ASPSCR1: variants seen among roughly 807,000 people sequenced by gnomAD.
ASPSCR1 encodes the protein ASPSCR1 tether for SLC2A4, UBX domain containing.
In ASPSCR1, 55 loss-of-function variants were observed where a neutral mutation model predicts 68.9. The observed-to-expected ratio is 0.80, with a 90% confidence interval of 0.64 to 1.00. The LOEUF (loss-of-function observed/expected upper bound fraction) is 1.00. ASPSCR1 is among the 50% of genes least tolerant of loss of function. The pLI is 0.00. For synonymous variants in ASPSCR1, 352 were observed against 332.6 expected (o/e 1.06, Z -0.63); for missense variants, 765 against 762.2 (o/e 1.00, Z -0.04).
rs1211399552 is a variant in ASPSCR1 at position 81,990,744 on chromosome 17, G to A, written c.375-4077G>A. ...CACGGCCCTCCTGGAGGCACCCGGA[G>A]GAGGAAAGGGAGTACCTTTCTGACC... On this transcript the variant is annotated intron_variant, in intron 4 of 15. Coordinates refer to ENST00000306739, the MANE Select transcript of ASPSCR1 (RefSeq NM_024083.4). The surrounding 1 kb of genome is among the most constrained non-coding windows in gnomAD (Gnocchi z 4.1). 1.3e-5 allele frequency among the ~76,000 whole-genome samples: 2 copies of A among 152,180 alleles called. No homozygotes were observed. Among genetic ancestry groups the A allele is most frequent in the East Asian group, 1.9e-4 (1 of 5,194 alleles).
intron 1 of ASPSCR1, chr17:81,978,903 G>T: frequency 1.9e-6 from 1 of 532,054 alleles, no homozygotes; most frequent in Non-Finnish European, 3.4e-6. Flanking sequence ...CAGGGTGTGT[G>T]CCAGGAAGAT....
At chr17:81,996,126 A>G (rs2042328985) in intron 6 of ASPSCR1, 61 bp downstream of exon 6, 11 of 1,501,052 alleles carry the variant, frequency 7.3e-6, no homozygotes, top group Non-Finnish European at 9.8e-6. Context: ...GTGGTCTCAA[A>G]GGAAAGGAGA....
chr17:81,992,723 C>G (rs1487212403), intron 4 of ASPSCR1, among the ~76,000 whole-genome samples: 3 of 152,272 alleles, frequency 2.0e-5, no homozygotes, highest in Non-Finnish European at 4.4e-5. Context: ...CTTGTGTTTT[C>G]CTGAGCCCTG....
Position 81,990,804 on chromosome 17 carries a change from C to G in ASPSCR1, c.375-4017C>G, listed in dbSNP as rs1007638695. 6.6e-6 allele frequency among the ~76,000 whole-genome samples: 1 copy of G among 152,110 alleles called. No individual in the cohort carries two copies. Among genetic ancestry groups the G allele is most frequent in the Non-Finnish European group, 1.5e-5 (1 of 68,020 alleles). ...GCTGGGGTACAGATTGTTATGCTAA[C>G]GGGTTTCCTATGAGGAGTTTCTCTC... On this transcript the variant is annotated intron_variant, in intron 4 of 15. Transcript: ENST00000306739. The surrounding 1 kb of genome is among the most constrained non-coding windows in gnomAD (Gnocchi z 4.1).
chr17:81,988,537 G>A (rs956825109), intron 4 of ASPSCR1, among the ~76,000 whole-genome samples: 1 of 152,152 alleles, frequency 6.6e-6, no homozygotes, highest in Non-Finnish European at 1.5e-5. Flanking sequence ...GCCGTTGGTG[G>A]TAAAGCCCGG....
rs928705707 is a variant in ASPSCR1 at position 81,999,516 on chromosome 17, A to G, written c.933+2670A>G. Among the ~76,000 whole-genome samples the G allele has an allele frequency of 6.6e-5, 10 of 151,770 alleles. No homozygotes were observed. Among genetic ancestry groups the G allele is most frequent in the Non-Finnish European group, 1.3e-4 (9 of 67,990 alleles). ...GTGGCAGGTGCCTGTAATCCCAGCT[A>G]CTCGGGAGACTGAGGCAGGAGAATC... On this transcript the variant is annotated intron_variant, in intron 7 of 15. Coordinates refer to ENST00000306739, the MANE Select transcript of ASPSCR1 (RefSeq NM_024083.4). This position sits in a 1 kb window ranked among gnomAD's most constrained non-coding sequence, Gnocchi z 4.4.
rs202058036 is a variant in ASPSCR1, at chr17:81,984,929, CCCCACACCCG to C, written c.274-576_274-567del. Reference sequence around the variant, plus strand: ...CACCCCTACAGCAACGTGCACACACCCCCACACCCGCACACACCCGCACACACCCCACACA... The same window carrying C: ...CACCCCTACAGCAACGTGCACACACCCACACACCCGCACACACCCCACACA... On this transcript the variant is annotated intron_variant, in intron 3 of 15. Transcript: ENST00000306739. Among the ~76,000 whole-genome samples the C allele has an allele frequency of 3.0e-3, 377 of 125,348 alleles. 4 individuals carry two copies. Among genetic ancestry groups the C allele is most frequent in the African/African-American group, 9.9e-3 (320 of 32,458 alleles). 82.2% of individuals were successfully genotyped at this position (125,348 alleles called of 152,430 possible).
Position 81,987,489 on chromosome 17 carries a change from A to G in ASPSCR1, c.374+1882A>G, listed in dbSNP as rs2144017206. Among the ~76,000 whole-genome samples, 1 of 152,306 alleles carries G rather than the reference A, an allele frequency of 6.6e-6. No homozygotes were observed. On this transcript the variant is annotated intron_variant, in intron 4 of 15. Transcript: ENST00000306739. This position sits in a 1 kb window ranked among gnomAD's most constrained non-coding sequence, Gnocchi z 5.6. The stretch of plus-strand genomic sequence containing the variant: ...AACAGAATCCAGTGCTCCCACAGGC[A>G]CAGGTGCTTGGTGAGGGCCGTCCTC...
At chr17:81,985,057 C>A (rs553918471) in intron 3 of ASPSCR1, among the ~76,000 whole-genome samples, 18 of 135,460 alleles carry the variant, frequency 1.3e-4, no homozygotes, top group African/African-American at 4.8e-4. Context: ...CCCACACACA[C>A]CCACGCACAC....
chr17:82,007,443 C>T (rs773710535), intron 7 of ASPSCR1: 1 of 152,284 alleles, frequency 6.6e-6, no homozygotes, highest in East Asian at 1.9e-4. Context: ...ATCCTGGAGG[C>T]ACCCTGGTGT....
intron 7 of ASPSCR1, among the ~76,000 whole-genome samples, chr17:82,001,477 C>G (rs1044696928): frequency 6.6e-6 from 1 of 152,168 alleles, no homozygotes; most frequent in African/African-American, 2.4e-5. Flanking sequence ...GAATGGCCAC[C>G]AAGCGTGGCT....
chr17:82,013,185 GTCCCC>G, intron 12 of ASPSCR1: 1 of 152,220 alleles, frequency 6.6e-6, no homozygotes. Context: ...GGGTGAGACA[GTCCCC>G]TCTCAGCCCC....
chr17:82,007,346 T>A (rs1161639493), intron 7 of ASPSCR1: 2 of 152,206 alleles, frequency 1.3e-5, no homozygotes, highest in Admixed American at 1.3e-4. Context: ...TCCACAGGAA[T>A]TAGAGATTTT....
chr17:81,991,080 G>A (rs757918285), intron 4 of ASPSCR1, among the ~76,000 whole-genome samples: 1 of 152,148 alleles, frequency 6.6e-6, no homozygotes, highest in Non-Finnish European at 1.5e-5. Flanking sequence ...CGATGCCAAG[G>A]GTGAGCCGTG....
At position 81,983,573 on chromosome 17, in the gene ASPSCR1, G is replaced by A. The variant is rs778625155; in HGVS notation, c.178G>A (p.Asp60Asn). The A allele has an allele frequency of 2.1e-5, 34 of 1,612,940 alleles. No individual in the cohort carries two copies. Among genetic ancestry groups the A allele is most frequent in the Middle Eastern group, 1.6e-4 (1 of 6,084 alleles). ...TTGCAGGTTTCAGAGGAGCGTGCTCGACCTTTCTCTCCAGTGGAGATTTGC... is the reference window on the plus strand; with the variant it reads ...TTGCAGGTTTCAGAGGAGCGTGCTCAACCTTTCTCTCCAGTGGAGATTTGC... ...YDLKFQRSVL[D>N]LSLQWRFANL... The change falls in exon 3 of 16, where the codon GAC becomes AAC. Residue 60 changes from aspartate to asparagine, a missense_variant. Coordinates refer to ENST00000306739, the MANE Select transcript of ASPSCR1 (RefSeq NM_024083.4). This position sits in a 1 kb window ranked among gnomAD's most constrained non-coding sequence, Gnocchi z 4.4.
intron 2 of ASPSCR1, among the ~76,000 whole-genome samples, chr17:81,982,116 G>T (rs2041815548): frequency 6.6e-6 from 1 of 151,820 alleles, no homozygotes; most frequent in South Asian, 2.1e-4. Flanking sequence ...CTACAGGCCT[G>T]TGCCACCATG....
chr17:82,003,824 G>A (rs911286312), intron 7 of ASPSCR1, among the ~76,000 whole-genome samples: 6 of 152,266 alleles, frequency 3.9e-5, no homozygotes, highest in East Asian at 1.9e-4. Flanking sequence ...TGGCGTCCAC[G>A]TGCTCCGCCG....
At chr17:81,997,255 C>A (rs2042382489) in intron 7 of ASPSCR1, among the ~76,000 whole-genome samples, 1 of 151,688 alleles carries the variant, frequency 6.6e-6, no homozygotes, top group South Asian at 2.1e-4. Flanking sequence ...CAGCTCAGGG[C>A]ATGGCCGTGG....
chr17:82,003,388 C>T (rs572004302), intron 7 of ASPSCR1, among the ~76,000 whole-genome samples: 1 of 152,336 alleles, frequency 6.6e-6, no homozygotes, highest in African/African-American at 2.4e-5. Context: ...ATCAAGACTG[C>T]AGTGAGCTGA....
Sources: allele counts gnomAD v4.1 joint callset (sites outside exome capture counted in the v4.1 genomes callset), GRCh38; gene constraint gnomAD v4.1.1; non-coding constraint Gnocchi (gnomAD v3.1); transcripts MANE v1.5; gene names NCBI Gene and HGNC (gene_info 2026-07-23, HGNC 2026-07-21).